AP4E1: variants seen among roughly 807,000 people sequenced by gnomAD.
AP4E1 encodes adaptor related protein complex 4 subunit epsilon 1.
In AP4E1, 56 loss-of-function variants were observed where a neutral mutation model predicts 128.2. The ratio of observed to expected loss-of-function variants is 0.44; its 90% confidence interval spans 0.35 to 0.55. AP4E1 has a LOEUF of 0.55. Among genes scored for constraint, AP4E1 ranks in the 20% least tolerant of loss-of-function variants. AP4E1 has a pLI of 0.00. For missense variants in AP4E1, 1,324 were observed against 1,307.7 expected, an observed-to-expected ratio of 1.01 and a Z score of -0.19; for synonymous variants, 484 against 473.1, an observed-to-expected ratio of 1.02 and a Z score of -0.30.
intron 8 of AP4E1, among the ~76,000 whole-genome samples, chr15:50,937,518 C>T (rs1431338006): frequency 6.6e-6 from 1 of 152,066 alleles, no homozygotes; most frequent in African/African-American, 2.4e-5. Context: ...TTAAGAAATT[C>T]ACAATATAGT....
Position 51,003,501 on chromosome 15 carries a change from G to T in AP4E1, c.*839G>T, listed in dbSNP as rs2140942232. ...AGGTCCTTTTGGCAAATGAAAATTT[G>T]TGATTAGAGTATAAATGGCAAAACT... On this transcript the variant is annotated 3_prime_UTR_variant, in exon 21 of 21. Coordinates refer to ENST00000261842, the MANE Select transcript of AP4E1 (RefSeq NM_007347.5). The T allele has an allele frequency of 6.6e-6, 1 of 152,382 alleles. No homozygotes were observed. The highest frequency in any genetic ancestry group is 2.1e-4 in the South Asian group (1 of 4,830). The allele number at this position is 152,382 out of a possible 1,614,324, so 9.4% of individuals were successfully genotyped here. A position where few individuals can be genotyped will look rare whatever the true frequency, so the allele number is the denominator to read the frequency against.
chr15:50,923,664 G>A (rs1319217520), intron 3 of AP4E1, among the ~76,000 whole-genome samples: 1 of 152,136 alleles, frequency 6.6e-6, no homozygotes, highest in Non-Finnish European at 1.5e-5. Context: ...TGTCTTCTTA[G>A]TGCCATTTAC....
chr15:50,977,555 C>G (rs1305015736), intron 15 of AP4E1, among the ~76,000 whole-genome samples: 1 of 151,848 alleles, frequency 6.6e-6, no homozygotes, highest in Non-Finnish European at 1.5e-5. Flanking sequence ...CAAGATATAG[C>G]AAGTATTTAA....
At chr15:50,944,772 C>A (rs2064035535) in intron 10 of AP4E1, 2 of 624,752 alleles carry the variant, frequency 3.2e-6, no homozygotes, top group Non-Finnish European at 2.9e-6. Flanking sequence ...TTTTGAGGTC[C>A]CATGAGAATA....
intron 15 of AP4E1, among the ~76,000 whole-genome samples, chr15:50,969,066 A>G (rs1341985975): frequency 6.6e-6 from 1 of 151,342 alleles, no homozygotes; most frequent in African/African-American, 2.4e-5. Flanking sequence ...TACATAGGTA[A>G]ACTTGTATCA....
intron 16 of AP4E1, among the ~76,000 whole-genome samples, chr15:50,992,332 ACAC>A (rs1364407942): frequency 1.3e-5 from 2 of 152,206 alleles, no homozygotes; most frequent in African/African-American, 4.8e-5. Flanking sequence ...ATTTTTGACA[ACAC>A]AAGGAGTCAG....
intron 1 of AP4E1, 60 bp downstream of exon 1, chr15:50,908,988 G>T: frequency 1.9e-6 from 3 of 1,599,122 alleles, no homozygotes; most frequent in South Asian, 1.1e-5. Context: ...GCGCCAGGAG[G>T]CCCTGGCCGG....
chr15:50,943,237 A>T (rs1391546339), intron 10 of AP4E1, among the ~76,000 whole-genome samples: 1 of 152,090 alleles, frequency 6.6e-6, no homozygotes, highest in Non-Finnish European at 1.5e-5. Flanking sequence ...TTACATTCTT[A>T]AAAAAAGAGA....
At chr15:50,934,503 A>T (rs1220014901) in intron 7 of AP4E1, 121 bp from the exon 8 acceptor site, 10 of 683,082 alleles carry the variant, frequency 1.5e-5, no homozygotes, top group Non-Finnish European at 2.3e-5. Context: ...TAACTTCATC[A>T]TAAAATGAAT....
chr15:50,959,567 A>G (rs1213961216), intron 14 of AP4E1, among the ~76,000 whole-genome samples: 11 of 152,228 alleles, frequency 7.2e-5, no homozygotes. Flanking sequence ...TGTTTGAGGG[A>G]GTCTTACATC....
intron 3 of AP4E1, among the ~76,000 whole-genome samples, chr15:50,921,403 C>G (rs2141140795): frequency 6.6e-6 from 1 of 151,852 alleles, no homozygotes; most frequent in East Asian, 1.9e-4. Context: ...GGCTGGAGTG[C>G]AGTGGCGTGA....
intron 15 of AP4E1, among the ~76,000 whole-genome samples, chr15:50,982,086 C>CAAAAAAA (rs55717107): frequency 1.8e-4 from 9 of 49,266 alleles, no homozygotes; most frequent in African/African-American, 3.2e-4. Flanking sequence ...ACTCCCATCT[C>CAAAAAAA]AAAAAAAAAA....
At chr15:50,910,238 C>T (rs2063548273) in intron 1 of AP4E1, among the ~76,000 whole-genome samples, 1 of 152,184 alleles carries the variant, frequency 6.6e-6, no homozygotes, top group Non-Finnish European at 1.5e-5. Context: ...TCACTTCGGC[C>T]TCCCAAAGTG....
intron 11 of AP4E1, 106 bp downstream of exon 11, chr15:50,948,265 C>G: frequency 1.5e-6 from 2 of 1,358,660 alleles, no homozygotes; most frequent in South Asian, 1.2e-5. Context: ...AGAGACCTAG[C>G]AATACTTTTT....
intron 3 of AP4E1, 24 bp downstream of exon 3, chr15:50,915,595 G>T: frequency 6.2e-7 from 1 of 1,612,702 alleles, no homozygotes; most frequent in Non-Finnish European, 8.5e-7. Flanking sequence ...TTAAGACTTT[G>T]ATGCTTTCAT....
At chr15:50,964,955 C>CCA (rs55825810) in intron 14 of AP4E1, among the ~76,000 whole-genome samples, 31,444 of 131,314 alleles carry the variant, frequency 0.24, 4,019 homozygotes, top group Non-Finnish European at 0.28. Flanking sequence ...CCTCCCCCTA[C>CCA]CACACACACA....
rs1433120061 is a variant in AP4E1, at chr15:50,941,409, T to C, written c.944-33T>C. 3.7e-6 allele frequency: 6 copies of C among 1,606,828 alleles called. No individual in the cohort carries two copies. The South Asian group carries it at 5.5e-5, about 15-fold the overall frequency. ...TACATTGTTTTGTTATACCTTACCA[T>C]GATACCTGCCATTTTTATGTTTCTT... On this transcript the variant is annotated intron_variant, in intron 8 of 20. Transcript: ENST00000261842.
chr15:50,934,568 GT>G (rs1567220395), intron 7 of AP4E1, 55 bp from the exon 8 acceptor site: 1 of 1,248,238 alleles, frequency 8.0e-7, no homozygotes, highest in South Asian at 1.3e-5. Context: ...TTGAAAAACT[GT>G]TTTATTGGGT....
At chr15:50,974,707 A>T (rs1397596079) in intron 15 of AP4E1, among the ~76,000 whole-genome samples, 3 of 152,086 alleles carry the variant, frequency 2.0e-5, no homozygotes, top group African/African-American at 7.2e-5. Context: ...TTTGATAATC[A>T]CCATCCTGAC....
Sources: allele counts gnomAD v4.1 joint callset (sites outside exome capture counted in the v4.1 genomes callset), GRCh38; gene constraint gnomAD v4.1.1; transcripts MANE v1.5; gene names NCBI Gene and HGNC (gene_info 2026-07-23, HGNC 2026-07-21).